DIXDC1: variants seen among roughly 807,000 people sequenced by gnomAD.
DIXDC1 encodes the protein dixin.
DIXDC1 carries 64 observed loss-of-function variants against 103.1 expected under a neutral mutation model. That is an observed-to-expected ratio of 0.62 (90% CI 0.51 to 0.76). DIXDC1 has a LOEUF of 0.76. Among genes scored for constraint, DIXDC1 ranks in the 30% least tolerant of loss-of-function variants. DIXDC1 has a pLI of 0.00. For missense variants in DIXDC1, 759 were observed against 834.2 expected, an observed-to-expected ratio of 0.91 and a Z score of 1.11; for synonymous variants, 266 against 298.5, an observed-to-expected ratio of 0.89 and a Z score of 1.12.
At chr11:112,004,137 T>C (rs1861162811) in intron 17 of DIXDC1, among the ~76,000 whole-genome samples, 1 of 150,986 alleles carries the variant, frequency 6.6e-6, no homozygotes, top group Non-Finnish European at 1.5e-5. Context: ...TGTGTGTATA[T>C]ATATATATCA....
At chr11:111,961,655 C>T (rs916425567) in intron 1 of DIXDC1, among the ~76,000 whole-genome samples, 4 of 152,196 alleles carry the variant, frequency 2.6e-5, no homozygotes, top group African/African-American at 7.2e-5. Context: ...GAGACAACTT[C>T]TACGGGCAAG....
chr11:111,975,620 T>C (rs1860072313), intron 5 of DIXDC1: 1 of 986,006 alleles, frequency 1.0e-6, no homozygotes, highest in Non-Finnish European at 1.2e-6. Context: ...CTCATGTAAA[T>C]TGTGCTTCTA....
chr11:111,990,215 C>T (rs909185531), intron 10 of DIXDC1, among the ~76,000 whole-genome samples: 11 of 151,872 alleles, frequency 7.2e-5, no homozygotes, highest in African/African-American at 2.7e-4. Context: ...CTCAGCCTCC[C>T]GAGTAGCTGG....
chr11:111,974,354 C>T (rs1334277492), intron 4 of DIXDC1, 100 bp downstream of exon 4: 1 of 1,182,968 alleles, frequency 8.5e-7, no homozygotes, highest in Admixed American at 2.5e-5. Flanking sequence ...CCAAACAGCC[C>T]CAGATTGCAG....
chr11:111,955,324 A>G (rs1213773358), intron 1 of DIXDC1, among the ~76,000 whole-genome samples: 2 of 147,526 alleles, frequency 1.4e-5, no homozygotes, highest in Non-Finnish European at 3.0e-5. Flanking sequence ...CCTGGGCAAC[A>G]GAGTGAGACC....
At chr11:111,995,937 A>G in intron 16 of DIXDC1, 143 bp from the exon 17 acceptor site, 7 of 762,232 alleles carry the variant, frequency 9.2e-6, no homozygotes, top group Non-Finnish European at 1.1e-5. Flanking sequence ...TATTATTGTT[A>G]GGATAAATAT....
chr11:111,994,301 T>C (rs1367218587), intron 14 of DIXDC1, among the ~76,000 whole-genome samples: 1 of 152,002 alleles, frequency 6.6e-6, no homozygotes, highest in Non-Finnish European at 1.5e-5. Flanking sequence ...GGCAGGAGAA[T>C]AGCTTGAACC....
chr11:111,970,275 G>A (rs782640563), intron 3 of DIXDC1, among the ~76,000 whole-genome samples: 6 of 151,802 alleles, frequency 4.0e-5, no homozygotes, highest in East Asian at 3.9e-4. Flanking sequence ...GCGTGGTCTC[G>A]AACTCCTGAC....
In DIXDC1 at chr11:111,995,568, A is replaced by G; in HGVS notation, c.1689+4A>G. 6.2e-7 allele frequency: 1 copy of G among 1,613,688 alleles called. No individual in the cohort carries two copies. Among genetic ancestry groups the G allele is most frequent in the South Asian group, 1.1e-5 (1 of 91,078 alleles). ...GCAGAAGAAACAAGAAAGAAAGGTA[A>G]CCCTCTTGCTGTGGTATCTCTCTTA... On this transcript the variant is annotated splice_donor_region_variant and intron_variant, in intron 16 of 19. Coordinates refer to ENST00000440460, the MANE Select transcript of DIXDC1 (RefSeq NM_001037954.4).
At chr11:112,013,321 T>TGGGGGGGGGGGGGGGGGGGGGG (rs1403269609) in intron 17 of DIXDC1, among the ~76,000 whole-genome samples, 5 of 35,710 alleles carry the variant, frequency 1.4e-4, no homozygotes, top group African/African-American at 2.0e-4. Context: ...GGTCGGGGGG[T>TGGGGGGGGGGGGGGGGGGGGGG]GGGGGTGGGG....
At chr11:111,955,357 A>G (rs1350970258) in intron 1 of DIXDC1, among the ~76,000 whole-genome samples, 1 of 149,810 alleles carries the variant, frequency 6.7e-6, no homozygotes, top group Non-Finnish European at 1.5e-5. Flanking sequence ...AAAAAAAAAA[A>G]AGGAAGGAAA....
At chr11:111,928,523 G>A (rs1291781782) in intron 1 of DIXDC1, 3 of 152,220 alleles carry the variant, frequency 2.0e-5, no homozygotes, top group African/African-American at 7.2e-5. Flanking sequence ...CACTTTGGGA[G>A]GCCGAGGTGG....
Position 112,001,368 on chromosome 11 carries a change from G to A in DIXDC1, c.1756+5222G>A, listed in dbSNP as rs587665683. On this transcript the variant is annotated intron_variant, in intron 17 of 19. Transcript: ENST00000440460. ...CTTTTGGGATGATGACAGTGTTCTG[G>A]AACTGGATAATGGTGGTTGTTTGCA... Among the ~76,000 whole-genome samples the A allele has an allele frequency of 2.0e-5, 3 of 152,298 alleles. No individual in the cohort carries two copies. The South Asian group carries it at 6.2e-4, about 32-fold the overall frequency.
chr11:111,984,251 A>C (rs1178861419), intron 7 of DIXDC1, among the ~76,000 whole-genome samples: 1 of 152,222 alleles, frequency 6.6e-6, no homozygotes, highest in Non-Finnish European at 1.5e-5. Flanking sequence ...TATGAATATA[A>C]TAATTAGGTA....
chr11:111,964,628 G>A lies in DIXDC1; in HGVS notation c.140G>A (p.Arg47Gln), dbSNP rs782103350. 1.9e-6 allele frequency: 3 copies of A among 1,612,280 alleles called. No homozygotes were observed. The highest frequency in any genetic ancestry group is 1.3e-5 in the African/African-American group (1 of 75,012). ...RPAVKPVQDL[R>Q]QDLRDGVILA... ...GCAGTGAAGCCTGTGCAGGACCTGC[G>A]ACAAGATCTCCGGGATGGGGTGATC... Residue 47 changes from arginine (R) to glutamine (Q), a missense_variant, in exon 2 of 20, where the codon CGA (arginine) becomes CAA (glutamine). Arg to Gln is a conservative substitution (Grantham distance 43). Transcript: ENST00000440460.
At position 112,019,337 on chromosome 11, in the gene DIXDC1, C is replaced by A; in HGVS notation, c.*301C>A. The A allele has an allele frequency of 4.8e-6, 1 of 206,818 alleles. No individual in the cohort carries two copies. The highest frequency in any genetic ancestry group is 9.8e-6 in the Non-Finnish European group (1 of 102,082). 12.8% of individuals were successfully genotyped at this position (206,818 alleles called of 1,614,324 possible). ...GCCTTAAACGATGGGGATGGATGAT[C>A]CCGCCTCTGTAGGGGCATGGCTGCT... On this transcript the variant is annotated 3_prime_UTR_variant, in exon 20 of 20. Transcript: ENST00000440460.
chr11:111,932,250 T>C (rs1219080882), intron 2 of DIXDC1, among the ~76,000 whole-genome samples: 1 of 151,206 alleles, frequency 6.6e-6, no homozygotes, highest in Non-Finnish European at 1.5e-5. Flanking sequence ...TTGGCCAGAC[T>C]GGTCTCTCAA....
intron 1 of DIXDC1, among the ~76,000 whole-genome samples, chr11:111,945,064 C>T (rs902444398): frequency 1.1e-4 from 16 of 152,086 alleles, no homozygotes; most frequent in African/African-American, 3.9e-4. Context: ...TCATGGAATC[C>T]AAGGAAAGGC....
chr11:111,937,339 C>T (rs931354592), upstream of DIXDC1: 5 of 1,420,122 alleles, frequency 3.5e-6, no homozygotes, highest in African/African-American at 4.4e-5. Context: ...CAGTGCAAGC[C>T]GCTAGTTTGG....
Sources: gnomAD v4.1 joint callset for allele counts (sites outside exome capture counted in the v4.1 genomes callset) on GRCh38, gnomAD v4.1.1 for gene constraint, MANE v1.5 for transcripts, NCBI Gene and HGNC (gene_info 2026-07-23, HGNC 2026-07-21) for gene names.